The following CEP126 variants were observed in gnomAD, a reference collection of about 807,000 sequenced individuals.
The protein encoded by CEP126 is centrosomal protein of 126 kDa.
Under a neutral mutation model 107.8 loss-of-function variants are expected in CEP126, and 74 were observed. The observed-to-expected ratio is 0.69, with a 90% confidence interval of 0.57 to 0.83. CEP126 has a LOEUF of 0.83. Among genes scored for constraint, CEP126 ranks in the 40% least tolerant of loss-of-function variants. The probability of loss-of-function intolerance (pLI) is 0.00; values close to 1 mark genes in which losing one functional copy is unlikely to be tolerated. For synonymous variants in CEP126, 449 were observed against 446.0 expected (o/e 1.01, Z -0.08); for missense variants, 1,237 against 1,281.9 (o/e 0.96, Z 0.53).
At chr11:101,985,880 A>G (rs1941310674) in intron 8 of CEP126, among the ~76,000 whole-genome samples, 1 of 151,430 alleles carries the variant, frequency 6.6e-6, no homozygotes, top group Non-Finnish European at 1.5e-5. Context: ...ATTTAGAAAC[A>G]TTTGTTTCAT....
At chr11:101,936,654 G>A (rs957060219) in intron 2 of CEP126, among the ~76,000 whole-genome samples, 4 of 152,124 alleles carry the variant, frequency 2.6e-5, no homozygotes, top group Non-Finnish European at 5.9e-5. Context: ...TTTGGGGGAA[G>A]TATTTACTAT....
chr11:101,915,280 G>A lies in CEP126; in HGVS notation c.-5G>A. The A allele has an allele frequency of 1.2e-6, 2 of 1,613,576 alleles. No individual in the cohort carries two copies. Among genetic ancestry groups the A allele is most frequent in the Non-Finnish European group, 1.7e-6 (2 of 1,179,904 alleles). ...GCGAGCAGACAGGCGGCGCTGAAGT[G>A]AAGGATGCTGGCGGGGAGGCCCGGA... On this transcript the variant is annotated 5_prime_UTR_variant, in exon 1 of 11. The change abolishes the stop of an existing upstream ORF in the 5' untranslated region. Coordinates refer to ENST00000263468, the MANE Select transcript of CEP126 (RefSeq NM_020802.4).
chr11:101,927,724 A>G (rs955165261), intron 2 of CEP126, among the ~76,000 whole-genome samples: 2 of 152,188 alleles, frequency 1.3e-5, no homozygotes, highest in African/African-American at 2.4e-5. Flanking sequence ...TGTAGTGTGT[A>G]TCAGTAGCTT....
Position 101,944,288 on chromosome 11 carries a change from A to C in CEP126, c.272A>C (p.Glu91Ala). 1 of 1,604,066 alleles carries C rather than the reference A, an allele frequency of 6.2e-7. No individual in the cohort carries two copies. Residue 91 changes from glutamate to alanine, a missense_variant, in exon 3 of 11, where the codon GAA becomes GCA. Coordinates refer to ENST00000263468, the MANE Select transcript of CEP126 (RefSeq NM_020802.4). ...RKKAFEEKRKEQEEKEHQIRE... is the reference protein window; with the variant it reads ...RKKAFEEKRKAQEEKEHQIRE... ...AGAGCTTTTGAGGAGAAACGAAAAG[A>C]ACAGGAAGAAAAAGAACACCAAATT...
In CEP126 at chr11:101,920,517, C is replaced by T. The variant is rs79452306; in HGVS notation, c.129-2124C>T. Among the ~76,000 whole-genome samples the T allele has an allele frequency of 4.9e-3, 741 of 152,106 alleles. 5 individuals carry two copies. The highest frequency in any genetic ancestry group is 0.017 in the African/African-American group (707 of 41,490). On this transcript the variant is annotated intron_variant, in intron 1 of 10. Transcript: ENST00000263468. ...GTTCTAAAAAAGACAAATAGATATG[C>T]CCTACAATCTATAACTTCAGTATAA...
chr11:101,989,826 G>C (rs1254147276), intron 9 of CEP126, among the ~76,000 whole-genome samples: 2 of 152,162 alleles, frequency 1.3e-5, no homozygotes, highest in Non-Finnish European at 2.9e-5. Context: ...CGGGCGTGGT[G>C]GTGGGTGCCT....
At chr11:101,981,860 T>C (rs1195172293) in intron 7 of CEP126, 29 bp from the exon 8 acceptor site, 2 of 1,339,532 alleles carry the variant, frequency 1.5e-6, no homozygotes, top group Non-Finnish European at 1.0e-6. Context: ...TATGGAAATA[T>C]GTTTTAATTC....
At chr11:101,981,380 A>G (rs1284216183) in intron 7 of CEP126, among the ~76,000 whole-genome samples, 1 of 152,102 alleles carries the variant, frequency 6.6e-6, no homozygotes, top group African/African-American at 2.4e-5. Flanking sequence ...TGCAACCTCC[A>G]TCTCCTGGGT....
intron 4 of CEP126, among the ~76,000 whole-genome samples, chr11:101,954,123 G>A (rs928972592): frequency 6.6e-6 from 1 of 152,036 alleles, no homozygotes; most frequent in African/African-American, 2.4e-5. Context: ...CACCTCCCGG[G>A]TTCAAGCAAT....
chr11:101,924,261 A>C (rs1940374185), intron 2 of CEP126, among the ~76,000 whole-genome samples: 1 of 152,114 alleles, frequency 6.6e-6, no homozygotes, highest in Non-Finnish European at 1.5e-5. Context: ...TCTGTATTTC[A>C]CCTTTTATAA....
chr11:101,992,003 G>A (rs1246918668), intron 9 of CEP126, among the ~76,000 whole-genome samples: 5 of 152,172 alleles, frequency 3.3e-5, no homozygotes, highest in Non-Finnish European at 7.4e-5. Flanking sequence ...ATAGGGCATT[G>A]TGGAGGCAAG....
intron 3 of CEP126, among the ~76,000 whole-genome samples, chr11:101,945,239 T>A (rs1940719287): frequency 6.6e-6 from 1 of 152,178 alleles, no homozygotes; most frequent in African/African-American, 2.4e-5. Flanking sequence ...TTAAGTCGGA[T>A]CTTAACAAAT....
intron 9 of CEP126, 108 bp downstream of exon 9, chr11:101,987,149 T>G: frequency 1.4e-6 from 1 of 708,636 alleles, no homozygotes; most frequent in Non-Finnish European, 2.3e-6. Flanking sequence ...AATATATCCA[T>G]ATTACCAACT....
chr11:101,938,272 T>C (rs947571356), intron 2 of CEP126, among the ~76,000 whole-genome samples: 1 of 151,674 alleles, frequency 6.6e-6, no homozygotes, highest in Non-Finnish European at 1.5e-5. Context: ...CTGAGGTATT[T>C]GTAGTGATAC....
chr11:101,917,279 G>A (rs553361382), intron 1 of CEP126, among the ~76,000 whole-genome samples: 1 of 152,020 alleles, frequency 6.6e-6, no homozygotes, highest in South Asian at 2.1e-4. Flanking sequence ...TGTCTATAAT[G>A]TTTCCCATTG....
In CEP126 at chr11:101,919,695, T is replaced by C. The variant is rs59037209; in HGVS notation, c.129-2946T>C. Among the ~76,000 whole-genome samples, 776 of 152,252 alleles carry C rather than the reference T, an allele frequency of 5.1e-3. 5 individuals are homozygous for C. The highest frequency in any genetic ancestry group is 0.018 in the African/African-American group (740 of 41,548). ...ACTTATATATAAAGAAAGTAGAAAA[T>C]CATTTGGTTAAATTGAAGACTATAT... On this transcript the variant is annotated intron_variant, in intron 1 of 10. Coordinates refer to ENST00000263468, the MANE Select transcript of CEP126 (RefSeq NM_020802.4).
chr11:101,959,237 A>G (rs756411320), intron 5 of CEP126, among the ~76,000 whole-genome samples: 12 of 151,558 alleles, frequency 7.9e-5, no homozygotes, highest in Non-Finnish European at 1.6e-4. Flanking sequence ...GCTCACTGCA[A>G]CCTCCGCCTC....
At chr11:101,993,189 T>A (rs968327548) in intron 10 of CEP126, among the ~76,000 whole-genome samples, 6 of 152,306 alleles carry the variant, frequency 3.9e-5, no homozygotes, top group Admixed American at 3.9e-4. Context: ...AGGTAGTTTT[T>A]CAATCCTCTC....
intron 6 of CEP126, among the ~76,000 whole-genome samples, chr11:101,964,493 C>T (rs1941035955): frequency 6.6e-6 from 1 of 152,004 alleles, no homozygotes; most frequent in African/African-American, 2.4e-5. Flanking sequence ...ATTAGCCGGG[C>T]ATGGTGGCGC....
Sources: allele counts gnomAD v4.1 joint callset (sites outside exome capture counted in the v4.1 genomes callset), GRCh38; gene constraint gnomAD v4.1.1; transcripts MANE v1.5; gene names NCBI Gene and HGNC (gene_info 2026-07-23, HGNC 2026-07-21).